Variants in MTMR10 observed in about 807,000 individuals in gnomAD.
The protein encoded by MTMR10 is myotubularin-related protein 10.
In MTMR10, 56 loss-of-function variants were observed where a neutral mutation model predicts 88.1. The observed-to-expected ratio is 0.64, with a 90% CI of 0.51 to 0.79. The LOEUF (loss-of-function observed/expected upper bound fraction) is 0.79. MTMR10 is among the 30% of genes least tolerant of loss of function. MTMR10 has a pLI of 0.00. For synonymous variants in MTMR10, 380 were observed against 340.9 expected, an observed-to-expected ratio of 1.11 and a Z score of -1.26; for missense variants, 883 against 924.7, an observed-to-expected ratio of 0.95 and a Z score of 0.58.
Position 30,942,042 on chromosome 15 carries a change from G to A in MTMR10, c.1762C>T (p.Pro588Ser), listed in dbSNP as rs2063073139. 6.2e-7 allele frequency: 1 copy of A among 1,613,850 alleles called. No individual in the cohort carries two copies. Among genetic ancestry groups the A allele is most frequent in the Non-Finnish European group, 8.5e-7 (1 of 1,179,806 alleles). Residue 588 changes from proline (P) to serine (S), a missense_variant, in exon 16 of 16, where the codon CCG (proline) becomes TCG (serine). Physicochemically the swap from Pro to Ser is moderately conservative, Grantham distance 74 (BLOSUM62 -1). Transcript: ENST00000435680. ...KSYSSTLRGM[P>S]SALKNGIISD... ...ATGATTCCATTCTTTAAGGCAGACGGCATTCCTCTTAGTGTGGAGCTGTAG... is the reference window on the plus strand; with the variant it reads ...ATGATTCCATTCTTTAAGGCAGACGACATTCCTCTTAGTGTGGAGCTGTAG...
chr15:30,951,614 C>G (rs185354613), intron 12 of MTMR10, among the ~76,000 whole-genome samples: 2 of 152,252 alleles, frequency 1.3e-5, no homozygotes, highest in East Asian at 3.9e-4. Flanking sequence ...ATACTCCTGC[C>G]TCGGCCTCCC....
rs964690669 is a variant in MTMR10, at chr15:30,978,917, G to A, written c.122-1962C>T. ...TGACCAAATATATATATATATAGAC[G>A]CACTGAGTAATTCAAATACATAAAA... On this transcript the variant is annotated intron_variant, in intron 2 of 15. Transcript: ENST00000435680. 2.7e-5 allele frequency among the ~76,000 whole-genome samples: 4 copies of A among 147,454 alleles called. No homozygotes were observed. The East Asian group carries it at 6.2e-4, about 23-fold the overall frequency.
downstream of MTMR10, chr15:30,937,241 C>A (rs777763916): frequency 5.0e-6 from 8 of 1,612,862 alleles, no homozygotes; most frequent in East Asian, 1.6e-4. Context: ...GAGCTAAGAG[C>A]CAAAGCCTTA....
At chr15:30,944,403 TA>T (rs1409126430) in intron 14 of MTMR10, among the ~76,000 whole-genome samples, 1 of 151,568 alleles carries the variant, frequency 6.6e-6, no homozygotes, top group African/African-American at 2.4e-5. Context: ...CCGTCTCTAC[TA>T]AAAATACAAA....
At chr15:30,977,886 G>C (rs2030275317) in intron 2 of MTMR10, among the ~76,000 whole-genome samples, 1 of 152,158 alleles carries the variant, frequency 6.6e-6, no homozygotes. Flanking sequence ...AAATGTACAA[G>C]GCTAGTTTTA....
chr15:30,977,632 C>T (rs2030254557), intron 2 of MTMR10, among the ~76,000 whole-genome samples: 1 of 152,134 alleles, frequency 6.6e-6, no homozygotes, highest in Admixed American at 6.5e-5. Flanking sequence ...ATCTAAAAGT[C>T]AACTAGACGC....
At chr15:30,950,732 A>G (rs903181019) in intron 12 of MTMR10, among the ~76,000 whole-genome samples, 11 of 152,132 alleles carry the variant, frequency 7.2e-5, no homozygotes, top group Non-Finnish European at 1.3e-4. Flanking sequence ...ACTATGCAAC[A>G]TGAGTATATA....
At chr15:30,954,926 C>T (rs763026161) in intron 9 of MTMR10, 33 bp from the exon 10 acceptor site, 2 of 1,502,942 alleles carry the variant, frequency 1.3e-6, no homozygotes, top group African/African-American at 1.4e-5. Flanking sequence ...AGTCATTACT[C>T]ATTCATTTCA....
intron 2 of MTMR10, among the ~76,000 whole-genome samples, chr15:30,986,079 G>C (rs1385445875): frequency 6.6e-6 from 1 of 152,174 alleles, no homozygotes. Context: ...CACTTTGGGA[G>C]GCCAAGGTGA....
chr15:30,987,317 A>G (rs1306823662), intron 2 of MTMR10, among the ~76,000 whole-genome samples: 3 of 152,230 alleles, frequency 2.0e-5, no homozygotes, highest in Non-Finnish European at 4.4e-5. Flanking sequence ...TGTCTACCAC[A>G]TTCCTGGCAC....
At chr15:30,929,779 T>TCA in the MTMR10 span, among the ~76,000 whole-genome samples, 33 of 22,720 alleles carry the variant, frequency 1.5e-3, 5 homozygotes, top group African/African-American at 9.6e-3. Flanking sequence ...ATATAATATA[T>TCA]TATATCATAT....
intron 6 of MTMR10, among the ~76,000 whole-genome samples, chr15:30,963,666 C>CAGATAGAT (rs2063436186): frequency 6.7e-6 from 1 of 148,806 alleles, no homozygotes; most frequent in South Asian, 2.1e-4. Context: ...GATAGATAGA[C>CAGATAGAT]AGACAGATAG....
At chr15:30,968,065 T>C (rs1439054418) in intron 5 of MTMR10, 55 bp from the exon 6 acceptor site, 18 of 1,318,276 alleles carry the variant, frequency 1.4e-5, no homozygotes, top group East Asian at 2.5e-5. Flanking sequence ...TTAAATGAAA[T>C]GTACAATAAG....
intron 15 of MTMR10, 47 bp downstream of exon 15, chr15:30,942,843 T>G: frequency 6.7e-7 from 1 of 1,494,216 alleles, no homozygotes; most frequent in Non-Finnish European, 9.0e-7. Flanking sequence ...AAAAGAGGTG[T>G]TTGGTTACGT....
At chr15:30,925,606 C>T in the MTMR10 span, among the ~76,000 whole-genome samples, 1 of 152,222 alleles carries the variant, frequency 6.6e-6, no homozygotes, top group African/African-American at 2.4e-5. Flanking sequence ...TTGAGGCTCT[C>T]CCAGGGCCGG....
At chr15:30,929,363 G>A in the MTMR10 span, 49 of 1,611,372 alleles carry the variant, frequency 3.0e-5, no homozygotes, top group Non-Finnish European at 3.8e-5. Context: ...TCCCTTGTCA[G>A]CTGGGATCGC....
intron 6 of MTMR10, among the ~76,000 whole-genome samples, chr15:30,964,669 A>G (rs1186169242): frequency 6.6e-6 from 1 of 152,196 alleles, no homozygotes; most frequent in Non-Finnish European, 1.5e-5. Context: ...GTGGATCGCT[A>G]TGAGGGGCTG....
At chr15:30,929,977 A>G in the MTMR10 span, among the ~76,000 whole-genome samples, 1 of 128,204 alleles carries the variant, frequency 7.8e-6, no homozygotes, top group Non-Finnish European at 1.5e-5. Flanking sequence ...TATAAAATAT[A>G]TAATATATAA....
At chr15:30,925,139 A>G in the MTMR10 span, 18 of 1,613,806 alleles carry the variant, frequency 1.1e-5, no homozygotes, top group Non-Finnish European at 1.4e-5. Context: ...TATCAAGTGC[A>G]TCACAGAGGG....
Sources: allele counts gnomAD v4.1 joint callset (sites outside exome capture counted in the v4.1 genomes callset), GRCh38; gene constraint gnomAD v4.1.1; transcripts MANE v1.5; gene names NCBI Gene and HGNC (gene_info 2026-07-23, HGNC 2026-07-21).